DEAF1: variants seen among roughly 807,000 people sequenced by gnomAD.
DEAF1 encodes DEAF1 transcription factor.
Under a neutral mutation model 58.9 loss-of-function variants are expected in DEAF1, and 53 were observed. The observed-to-expected ratio is 0.90, with a 90% CI of 0.72 to 1.13. The LOEUF (loss-of-function observed/expected upper bound fraction) is 1.13, where lower values mean the gene tolerates loss of function less well. Ranked by LOEUF, DEAF1 falls within the 50% of genes most tolerant of loss-of-function variation. The pLI, the probability that DEAF1 is intolerant of heterozygous loss-of-function variation, is 0.00. For missense variants in DEAF1, 685 were observed against 791.4 expected, an observed-to-expected ratio of 0.87 and a Z score of 1.61; for synonymous variants, 385 against 340.4, an observed-to-expected ratio of 1.13 and a Z score of -1.44.
chr11:649,077 CCT>C (rs910962798), intron 11 of DEAF1, among the ~76,000 whole-genome samples: 1 of 152,096 alleles, frequency 6.6e-6, no homozygotes, highest in African/African-American at 2.4e-5. Context: ...ATGGCAAAAC[CCT>C]CTCTCTACGA....
Position 644,735 on chromosome 11 carries a change from A to T in DEAF1, c.1594-81T>A. On this transcript the variant is annotated intron_variant, in intron 11 of 11. Coordinates refer to ENST00000382409, the MANE Select transcript of DEAF1 (RefSeq NM_021008.4). This position sits in a 1 kb window ranked among gnomAD's most constrained non-coding sequence, Gnocchi z 4.3. The stretch of plus-strand genomic sequence containing the variant: ...GCAGGGTCCCCAAGGCAGACCCCAG[A>T]GGGTGCAGCCCTCTGTAACCTCACC... 1.8e-6 allele frequency: 2 copies of T among 1,135,416 alleles called. No individual in the cohort carries two copies. Among genetic ancestry groups the T allele is most frequent in the South Asian group, 2.6e-5 (2 of 76,368 alleles). The allele number at this position is 1,135,416 out of a possible 1,614,324, so 70.3% of individuals were successfully genotyped here.
chr11:704,756 A>G lies in DEAF1; in HGVS notation c.-438+1816T>C, dbSNP rs994587520. On this transcript the variant is annotated intron_variant, in intron 1 of 11. Transcript: ENST00000683307. Reference sequence around the variant, plus strand: ...CGGAGTGGATGGGGCCCGAGAGGCCAGCCTGGACTGTCTCCTGAGGGCAGG... The same window carrying G: ...CGGAGTGGATGGGGCCCGAGAGGCCGGCCTGGACTGTCTCCTGAGGGCAGG... 2.8e-5 allele frequency: 22 copies of G among 778,114 alleles called. 1 individual carries two copies. In the African/African-American group the frequency reaches 3.9e-4, roughly 14 times the overall value. 48.2% of individuals were successfully genotyped at this position (778,114 alleles called of 1,614,324 possible). A position where few individuals can be genotyped will look rare whatever the true frequency, so the allele number is the denominator to read the frequency against.
chr11:662,202 C>A (rs6598005), intron 10 of DEAF1, among the ~76,000 whole-genome samples: 3 of 152,030 alleles, frequency 2.0e-5, no homozygotes, highest in Non-Finnish European at 4.4e-5. Context: ...TCGCTTGATC[C>A]CGGGAGGCAG....
intron 1 of DEAF1, among the ~76,000 whole-genome samples, chr11:701,384 T>G (rs1221543277): frequency 6.9e-6 from 1 of 144,392 alleles, no homozygotes. Context: ...TGTTTTTTTT[T>G]GGTAGAGACG....
Position 694,814 on chromosome 11 carries a change from C to A in DEAF1, c.234G>T (p.Met78Ile). 1 of 1,436,074 alleles carries A rather than the reference C, an allele frequency of 7.0e-7. No individual in the cohort carries two copies. Among genetic ancestry groups the A allele is most frequent in the Non-Finnish European group, 9.1e-7 (1 of 1,096,748 alleles). 89.0% of individuals were successfully genotyped at this position (1,436,074 alleles called of 1,614,324 possible). A position where few individuals can be genotyped will look rare whatever the true frequency, so the allele number is the denominator to read the frequency against. Residue 78 changes from methionine to isoleucine, a missense_variant, in exon 1 of 12, where the codon ATG becomes ATT. By Grantham distance (10) the Met-to-Ile change is conservative. Coordinates refer to ENST00000382409, the MANE Select transcript of DEAF1 (RefSeq NM_021008.4). Reference sequence around the variant, plus strand: ...CGGGGCCGGGCAGGGCCTCGGCGCCCATGTCCATGTGCCCGGGCTCCGCCG... The same window carrying A: ...CGGGGCCGGGCAGGGCCTCGGCGCCAATGTCCATGTGCCCGGGCTCCGCCG... Reference protein sequence around the residue: ...VMAAEPGHMDMGAEALPGPDE... With the variant: ...VMAAEPGHMDIGAEALPGPDE...
At chr11:679,552 C>A in intron 8 of DEAF1, 136 bp downstream of exon 8, 1 of 1,383,072 alleles carries the variant, frequency 7.2e-7, no homozygotes, top group South Asian at 1.2e-5. Flanking sequence ...ACACGCTGTC[C>A]CCACCAACAA....
rs1861616093 is a variant in DEAF1 at position 704,020 on chromosome 11, C to T, written c.-438+2552G>A. 12 of 1,199,326 alleles carry T rather than the reference C, an allele frequency of 1.0e-5. No homozygotes were observed. The East Asian group carries it at 1.5e-4, about 15-fold the overall frequency. The allele number at this position is 1,199,326 out of a possible 1,614,324, so 74.3% of individuals were successfully genotyped here. ...TAAGCTGTTACAGTAGCTTTCCCTT[C>T]ACTTGATTCTATTGTGTGTTTTCTA... is the stretch of plus-strand genomic sequence containing the variant. On this transcript the variant is annotated intron_variant, in intron 1 of 11. Coordinates refer to the DEAF1 transcript ENST00000683307.
chr11:693,870 C>G (rs553722539), intron 1 of DEAF1, among the ~76,000 whole-genome samples: 1 of 152,196 alleles, frequency 6.6e-6, no homozygotes, highest in Admixed American at 6.5e-5. Flanking sequence ...AAAGGAAGCC[C>G]GACAGGAAGC....
chr11:646,469 G>GT (rs2133267315), intron 11 of DEAF1: 1 of 152,306 alleles, frequency 6.6e-6, no homozygotes, highest in Non-Finnish European at 1.5e-5. Flanking sequence ...GCTGCCCCCC[G>GT]TGAGAGGATG....
intron 1 of DEAF1, chr11:705,295 T>A (rs919205456): frequency 7.0e-5 from 11 of 157,948 alleles, no homozygotes; most frequent in African/African-American, 1.2e-4. Flanking sequence ...CCCCTTCACC[T>A]CGTCCTCGTC....
chr11:684,123 C>CTT (rs34831036), intron 6 of DEAF1, among the ~76,000 whole-genome samples: 1,544 of 143,780 alleles, frequency 0.011, 23 homozygotes, highest in African/African-American at 0.026. Context: ...TCTCCATGCT[C>CTT]TTTTTTTTTT....
intron 5 of DEAF1, among the ~76,000 whole-genome samples, chr11:685,466 A>G (rs1421900916): frequency 2.0e-5 from 3 of 151,834 alleles, no homozygotes; most frequent in African/African-American, 7.3e-5. Context: ...AGGCCGACGC[A>G]GGCAGACCAC....
Position 695,139 on chromosome 11 carries a change from G to C in DEAF1, c.-92C>G. 8.3e-7 allele frequency: 1 copy of C among 1,201,034 alleles called. No individual in the cohort carries two copies. Among genetic ancestry groups the C allele is most frequent in the Non-Finnish European group, 1.1e-6 (1 of 924,510 alleles). The allele number at this position is 1,201,034 out of a possible 1,614,324, so 74.4% of individuals were successfully genotyped here. A position where few individuals can be genotyped will look rare whatever the true frequency, so the allele number is the denominator to read the frequency against. On this transcript the variant is annotated 5_prime_UTR_variant, in exon 1 of 12. Coordinates refer to ENST00000382409, the MANE Select transcript of DEAF1 (RefSeq NM_021008.4). ...GAAGCGGGGCCCGAAGAGGACGCCC[G>C]AGCTGGGCCGAGGCCGCCCGAAGCC...
upstream of DEAF1, among the ~76,000 whole-genome samples, chr11:698,377 C>A (rs1465337093): frequency 1.3e-5 from 2 of 152,152 alleles, no homozygotes; most frequent in Non-Finnish European, 2.9e-5. Flanking sequence ...TTTGGAAAAT[C>A]CTTATTTTTG....
At chr11:699,209 T>C (rs574143758), upstream of DEAF1, 5 of 429,818 alleles carry the variant, frequency 1.2e-5, no homozygotes, top group Non-Finnish European at 2.1e-5. Flanking sequence ...CCTAGATTCA[T>C]TTTATTTTAT....
intron 1 of DEAF1, chr11:704,029 C>G: frequency 4.2e-6 from 5 of 1,196,044 alleles, no homozygotes; most frequent in Non-Finnish European, 3.1e-6. Flanking sequence ...TCACTTGATT[C>G]TATTGTGTGT....
rs1860844661 is a variant in DEAF1 at position 691,745 on chromosome 11, C to T, written c.290-147G>A. The T allele has an allele frequency of 4.2e-6, 3 of 714,666 alleles. No homozygotes were observed. In the Admixed American group the frequency reaches 6.0e-5, roughly 14 times the overall value. 44.3% of individuals were successfully genotyped at this position (714,666 alleles called of 1,614,324 possible). On this transcript the variant is annotated intron_variant, in intron 1 of 11. Coordinates refer to ENST00000382409, the MANE Select transcript of DEAF1 (RefSeq NM_021008.4). ...AGATCTTAACACTTCCATGAACACG[C>T]TCGACCTACATTTCTATTCCATTGT...
chr11:660,114 AAAGT>A (rs781593455), intron 10 of DEAF1, among the ~76,000 whole-genome samples: 2 of 152,210 alleles, frequency 1.3e-5, no homozygotes, highest in Non-Finnish European at 2.9e-5. Context: ...GCTCAGCTTA[AAAGT>A]AAGAGAAATG....
At position 678,602 on chromosome 11, in the gene DEAF1, C is replaced by A. The variant is rs1412968581; in HGVS notation, c.1255+92G>T. The stretch of plus-strand genomic sequence containing the variant: ...GCATCAACAAAAACAACAAACCAAA[C>A]CAAAATGAATCCCATTTCACTTAGG... On this transcript the variant is annotated intron_variant, in intron 9 of 11. Coordinates refer to ENST00000382409, the MANE Select transcript of DEAF1 (RefSeq NM_021008.4). 5.6e-6 allele frequency: 9 copies of A among 1,593,952 alleles called. No homozygotes were observed. In the African/African-American group the frequency reaches 1.2e-4, roughly 21 times the overall value.
Sources: gnomAD v4.1 joint callset for allele counts (sites outside exome capture counted in the v4.1 genomes callset) on GRCh38, gnomAD v4.1.1 for gene constraint, Gnocchi (gnomAD v3.1) non-coding constraint, MANE v1.5 for transcripts, NCBI Gene and HGNC (gene_info 2026-07-23, HGNC 2026-07-21) for gene names.